KCTD19: variants seen among roughly 807,000 people sequenced by gnomAD.
The protein encoded by KCTD19 is BTB/POZ domain-containing protein KCTD19.
KCTD19 carries 67 observed loss-of-function variants against 103.5 expected under a neutral mutation model. That is an observed-to-expected ratio of 0.65 (90% CI 0.53 to 0.79). The LOEUF (loss-of-function observed/expected upper bound fraction) is 0.79, where lower values mean the gene tolerates loss of function less well. Among genes scored for constraint, KCTD19 ranks in the 30% least tolerant of loss-of-function variants. The pLI is 0.00. For synonymous variants in KCTD19, 439 were observed against 452.2 expected, an observed-to-expected ratio of 0.97 and a Z score of 0.37; for missense variants, 980 against 1,136.1, an observed-to-expected ratio of 0.86 and a Z score of 1.98.
At chr16:67,304,611 C>T (rs1408450355) in intron 2 of KCTD19, 40 bp from the exon 3 acceptor site, 1 of 1,551,284 alleles carries the variant, frequency 6.4e-7, no homozygotes. Flanking sequence ...GAATCTAAAC[C>T]AAGTAACTAT....
intron 2 of KCTD19, among the ~76,000 whole-genome samples, chr16:67,309,394 A>G (rs1310744860): frequency 6.6e-6 from 1 of 152,244 alleles, no homozygotes; most frequent in African/African-American, 2.4e-5. Context: ...TCTGGAGGCC[A>G]GAGGGAAGAC....
rs757265669 is a variant in KCTD19, at chr16:67,291,760, G to T, written c.2296C>A (p.Pro766Thr). The change falls in exon 13 of 16, where the codon CCC (proline) becomes ACC (threonine). Residue 766 changes from proline to threonine, a missense_variant. By Grantham distance (38) the Pro-to-Thr change is conservative (BLOSUM62 -1). Transcript: ENST00000304372. ...SLGVILKVTH[P>T]PVVGSDGFCM... ...AAGCCATCGCTGCCCACCACGGGGG[G>T]GTGAGTCACTTTGAGGATAACCCCT... 4.3e-6 allele frequency: 7 copies of T among 1,614,138 alleles called. No homozygotes were observed. Among genetic ancestry groups the T allele is most frequent in the Non-Finnish European group, 2.5e-6 (3 of 1,179,984 alleles).
At chr16:67,314,824 TATATATAGAG>T (rs1206924160) in intron 2 of KCTD19, among the ~76,000 whole-genome samples, 22 of 61,168 alleles carry the variant, frequency 3.6e-4, no homozygotes, top group African/African-American at 5.6e-4. Context: ...TATATATATA[TATATATAGAG>T]AGAGAGAGAG....
At chr16:67,302,814 G>A in intron 4 of KCTD19, 1 of 322,844 alleles carries the variant, frequency 3.1e-6, no homozygotes, top group South Asian at 3.7e-5. Flanking sequence ...GATACATAAG[G>A]GCAGAGTAAG....
At chr16:67,325,305 C>T (rs1055243878) in intron 1 of KCTD19, among the ~76,000 whole-genome samples, 43 of 147,790 alleles carry the variant, frequency 2.9e-4, no homozygotes, top group Admixed American at 2.5e-3. Context: ...CCCGGGTTTA[C>T]GCCATTCTCC....
Position 67,294,957 on chromosome 16 carries a change from G to C in KCTD19, c.1475+16C>G. On this transcript the variant is annotated intron_variant, in intron 10 of 15. Transcript: ENST00000304372. The stretch of plus-strand genomic sequence containing the variant: ...GACCAAATTCTAAACATAGAGTCGT[G>C]ATAAAGTTTTCTTACTTGTATGCTT... The C allele has an allele frequency of 6.3e-7, 1 of 1,591,156 alleles. No homozygotes were observed.
intron 2 of KCTD19, among the ~76,000 whole-genome samples, chr16:67,314,591 T>C (rs2036982681): frequency 6.6e-6 from 1 of 151,572 alleles, no homozygotes; most frequent in South Asian, 2.1e-4. Flanking sequence ...TTTGTTTGTT[T>C]GTTTGTTATA....
chr16:67,295,621 A>C, intron 8 of KCTD19: 1 of 465,542 alleles, frequency 2.1e-6, no homozygotes, highest in Non-Finnish European at 3.8e-6. Context: ...CCCCTAGACC[A>C]CCCTCTCAAG....
chr16:67,289,889 G>T (rs376241528), intron 15 of KCTD19, among the ~76,000 whole-genome samples: 64 of 152,316 alleles, frequency 4.2e-4, no homozygotes, highest in African/African-American at 1.4e-3. Flanking sequence ...AAGACCGGAG[G>T]TTCAAAAATC....
At chr16:67,299,262 A>G (rs1246751166) in intron 6 of KCTD19, 101 bp downstream of exon 6, 2 of 1,061,442 alleles carry the variant, frequency 1.9e-6, no homozygotes, top group Non-Finnish European at 2.8e-6. Flanking sequence ...CCCCAAGGAC[A>G]CACTTCACCT....
At chr16:67,312,650 C>T (rs1337992176) in intron 2 of KCTD19, among the ~76,000 whole-genome samples, 2 of 152,120 alleles carry the variant, frequency 1.3e-5, no homozygotes, top group Non-Finnish European at 2.9e-5. Flanking sequence ...TGATTTTCCT[C>T]CCTAAACCTG....
intron 2 of KCTD19, among the ~76,000 whole-genome samples, chr16:67,319,688 TATAATA>T (rs34930442): frequency 8.1e-5 from 12 of 148,300 alleles, no homozygotes; most frequent in Admixed American, 1.3e-4. Flanking sequence ...TTAAAGCTCT[TATAATA>T]ATAATAATAA....
chr16:67,325,569 T>A (rs182176720), intron 1 of KCTD19, among the ~76,000 whole-genome samples: 6 of 151,850 alleles, frequency 4.0e-5, no homozygotes, highest in Admixed American at 3.3e-4. Flanking sequence ...AAGGATAGGG[T>A]GTGACAAGAG....
At chr16:67,299,703 C>G (rs2036812839) in intron 5 of KCTD19, 130 bp from the exon 6 acceptor site, 1 of 671,102 alleles carries the variant, frequency 1.5e-6, no homozygotes, top group South Asian at 2.0e-5. Context: ...TTTCTTTGCA[C>G]AGTCCAAATC....
chr16:67,316,855 G>A (rs2037018318), intron 2 of KCTD19, among the ~76,000 whole-genome samples: 2 of 152,068 alleles, frequency 1.3e-5, no homozygotes, highest in African/African-American at 4.8e-5. Flanking sequence ...GGTGGAGTTG[G>A]GGGATTTGGG....
chr16:67,295,061 AAAC>A lies in KCTD19; in HGVS notation c.1392-8_1392-6del, dbSNP rs753506480. 2.5e-6 allele frequency: 4 copies of A among 1,613,248 alleles called. No homozygotes were observed. Among genetic ancestry groups the A allele is most frequent in the Admixed American group, 3.3e-5 (2 of 60,028 alleles). The stretch of plus-strand genomic sequence containing the variant: ...TGGCAGAAGAGGGGCCATTCCCTGC[AAAC>A]AACAAGGAGATATCCAGCTGGGCAG... On this transcript the variant is annotated splice_region_variant and splice_polypyrimidine_tract_variant and intron_variant, in intron 9 of 15. Coordinates refer to ENST00000304372, the MANE Select transcript of KCTD19 (RefSeq NM_001100915.3).
At chr16:67,301,997 G>T in intron 4 of KCTD19, 75 bp from the exon 5 acceptor site, 1 of 1,430,450 alleles carries the variant, frequency 7.0e-7, no homozygotes, top group Non-Finnish European at 9.8e-7. Flanking sequence ...GTTTTGGCAG[G>T]TTTCTGGTGC....
chr16:67,324,603 C>T (rs1381918710), intron 1 of KCTD19, among the ~76,000 whole-genome samples: 1 of 152,118 alleles, frequency 6.6e-6, no homozygotes, highest in African/African-American at 2.4e-5. Flanking sequence ...TGCATTAAGA[C>T]GTTCGTGGGG....
rs776876507 is a variant in KCTD19, at chr16:67,294,142, T to C, written c.1620A>G (p.Glu540=). The change falls in exon 12 of 16, where the codon GAA becomes GAG. Residue 540 remains glutamate, a synonymous_variant. Transcript: ENST00000304372. ...TCCATGGAGTCCTGTCACTGCAGTC[T>C]TCGAAGTCCACAGGCATGTAGGCTG... ...ETTAYMPVDF[E]DCSDRTPWNK... 11 of 1,608,580 alleles carry C rather than the reference T, an allele frequency of 6.8e-6. No homozygotes were observed. The Admixed American group carries it at 1.8e-4, about 27-fold the overall frequency.
Sources: gnomAD v4.1 joint callset for allele counts (sites outside exome capture counted in the v4.1 genomes callset) on GRCh38, gnomAD v4.1.1 for gene constraint, MANE v1.5 for transcripts, NCBI Gene and HGNC (gene_info 2026-07-23, HGNC 2026-07-21) for gene names.